The following THSD4 variants were observed in gnomAD, a reference collection of about 807,000 sequenced individuals.
THSD4 encodes the protein thrombospondin type 1 domain containing 4.
THSD4 carries 69 observed loss-of-function variants against 119.0 expected under a neutral mutation model. The observed-to-expected ratio is 0.58, with a 90% CI of 0.48 to 0.71. The LOEUF is 0.71. Ranked by LOEUF, THSD4 falls within the 30% of genes least tolerant of loss-of-function variation. The pLI is 0.00. For missense variants in THSD4, 1,393 were observed against 1,391.1 expected (o/e 1.00, Z -0.02); for synonymous variants, 524 against 540.4 (o/e 0.97, Z 0.42).
intron 4 of THSD4, among the ~76,000 whole-genome samples, chr15:71,235,893 A>G (rs2044101242): frequency 6.6e-6 from 1 of 152,172 alleles, no homozygotes; most frequent in South Asian, 2.1e-4. Context: ...GCTGGCTGGA[A>G]TGCCACCGCT....
At chr15:71,340,547 A>G (rs755917136) in intron 6 of THSD4, among the ~76,000 whole-genome samples, 22 of 147,724 alleles carry the variant, frequency 1.5e-4, no homozygotes, top group Non-Finnish European at 3.0e-4. Flanking sequence ...ACTGCCTTCC[A>G]CTTCCTAGGC....
chr15:71,561,061 G>A (rs1181772865), intron 7 of THSD4, among the ~76,000 whole-genome samples: 5 of 145,516 alleles, frequency 3.4e-5, no homozygotes, highest in East Asian at 2.1e-4. Flanking sequence ...TGCAAGCTCC[G>A]CCTCCCGGGT....
chr15:71,593,162 C>T lies in THSD4; in HGVS notation c.1153-67368C>T, dbSNP rs1483551444. Among the ~76,000 whole-genome samples, 6 of 41,536 alleles carry T rather than the reference C, an allele frequency of 1.4e-4. 3 individuals carry two copies. The East Asian group carries it at 0.011, about 74-fold the overall frequency. 27.2% of individuals were successfully genotyped at this position (41,536 alleles called of 152,430 possible). ...CCTGTAGGCCGGGCGCGGTGGCTCACGCCTGTAATCCCAGCACTTTGGGAG... is the reference window on the plus strand; with the variant it reads ...CCTGTAGGCCGGGCGCGGTGGCTCATGCCTGTAATCCCAGCACTTTGGGAG... On this transcript the variant is annotated intron_variant, in intron 7 of 17. Coordinates refer to ENST00000261862, the MANE Select transcript of THSD4 (RefSeq NM_024817.3).
chr15:71,144,994 G>C lies in THSD4; in HGVS notation c.29+3438G>C, dbSNP rs374219625. 1.5e-4 allele frequency among the ~76,000 whole-genome samples: 23 copies of C among 151,902 alleles called. No individual in the cohort carries two copies. The East Asian group carries it at 4.4e-3, about 29-fold the overall frequency. On this transcript the variant is annotated intron_variant, in intron 2 of 17. Transcript: ENST00000261862. ...AATTATTTATGTTTCTTAAAGACTTGCTCCAAATTATGCACTTTTTTTTTT... is the reference window on the plus strand; with the variant it reads ...AATTATTTATGTTTCTTAAAGACTTCCTCCAAATTATGCACTTTTTTTTTT...
chr15:71,627,910 A>G (rs1274792621), intron 7 of THSD4, among the ~76,000 whole-genome samples: 1 of 152,226 alleles, frequency 6.6e-6, no homozygotes, highest in Non-Finnish European at 1.5e-5. Context: ...CTATGTTTTC[A>G]GGAAGACAAA....
At chr15:71,674,876 C>T (rs2051607845) in intron 8 of THSD4, among the ~76,000 whole-genome samples, 1 of 152,186 alleles carries the variant, frequency 6.6e-6, no homozygotes, top group Admixed American at 6.5e-5. Context: ...AGCTCTAAAC[C>T]TCAGTGGTGC....
At chr15:71,190,345 G>C (rs1383339376) in intron 3 of THSD4, among the ~76,000 whole-genome samples, 1 of 152,184 alleles carries the variant, frequency 6.6e-6, no homozygotes, top group Non-Finnish European at 1.5e-5. Flanking sequence ...TCTTGACATT[G>C]GCTGCACATT....
intron 12 of THSD4, 122 bp from the exon 13 acceptor site, chr15:71,746,716 C>T (rs1427247895): frequency 1.8e-6 from 2 of 1,088,510 alleles, no homozygotes; most frequent in Non-Finnish European, 2.7e-6. Flanking sequence ...TCAAGCAATG[C>T]TCTAGTAAGA....
chr15:71,320,665 T>A (rs1364823263), intron 6 of THSD4, among the ~76,000 whole-genome samples: 1 of 152,212 alleles, frequency 6.6e-6, no homozygotes, highest in Non-Finnish European at 1.5e-5. Flanking sequence ...ATACCTTTCC[T>A]CACAAAAGCT....
chr15:71,461,294 G>A (rs1176940515), intron 7 of THSD4, among the ~76,000 whole-genome samples: 1 of 152,156 alleles, frequency 6.6e-6, no homozygotes, highest in Admixed American at 6.5e-5. Context: ...TTCACAATAT[G>A]GCACTGACTT....
At chr15:71,467,845 G>GTTTT (rs34603517) in intron 7 of THSD4, among the ~76,000 whole-genome samples, 24 of 143,654 alleles carry the variant, frequency 1.7e-4, no homozygotes, top group East Asian at 4.1e-4. Context: ...AGATATGATG[G>GTTTT]TTTTTTTTTT....
At chr15:71,449,111 G>A (rs2047229361) in intron 7 of THSD4, among the ~76,000 whole-genome samples, 1 of 152,188 alleles carries the variant, frequency 6.6e-6, no homozygotes, top group South Asian at 2.1e-4. Flanking sequence ...AGAGGGTCAA[G>A]GGAAACCTAT....
chr15:71,675,257 G>C (rs2051618239), intron 8 of THSD4, among the ~76,000 whole-genome samples: 1 of 152,078 alleles, frequency 6.6e-6, no homozygotes, highest in Non-Finnish European at 1.5e-5. Context: ...CATGGCAGAA[G>C]AATAAAGGAC....
chr15:71,538,936 C>G (rs576264778), intron 7 of THSD4, among the ~76,000 whole-genome samples: 1 of 152,330 alleles, frequency 6.6e-6, no homozygotes, highest in East Asian at 1.9e-4. Context: ...TCCCTGAGCC[C>G]AGTTGAGCCA....
At chr15:71,580,656 C>G (rs987360965) in intron 7 of THSD4, among the ~76,000 whole-genome samples, 11 of 152,152 alleles carry the variant, frequency 7.2e-5, no homozygotes, top group Non-Finnish European at 1.6e-4. Flanking sequence ...AGTTCCACCA[C>G]CAAGGCCCTG....
At chr15:71,272,134 G>A (rs2044537719) in intron 6 of THSD4, among the ~76,000 whole-genome samples, 1 of 152,076 alleles carries the variant, frequency 6.6e-6, no homozygotes, top group Admixed American at 6.6e-5. Context: ...TGGGTGTGGT[G>A]GCTCACACCT....
chr15:71,123,947 C>G (rs778474641), intron 1 of THSD4, among the ~76,000 whole-genome samples: 5 of 152,212 alleles, frequency 3.3e-5, no homozygotes, highest in African/African-American at 4.8e-5. Flanking sequence ...GTCGCACTCT[C>G]TCTCACATTG....
intron 15 of THSD4, among the ~76,000 whole-genome samples, chr15:71,761,301 G>A (rs1406662275): frequency 1.3e-5 from 2 of 152,064 alleles, no homozygotes; most frequent in Non-Finnish European, 1.5e-5. Flanking sequence ...CTCCATTAGT[G>A]TCAAGTTATC....
chr15:71,688,119 A>G (rs1252924042), intron 8 of THSD4, among the ~76,000 whole-genome samples: 5 of 152,232 alleles, frequency 3.3e-5, no homozygotes, highest in African/African-American at 1.2e-4. Context: ...CCGTCTCTTC[A>G]TAATTCTCCA....
Sources: allele counts gnomAD v4.1 joint callset (sites outside exome capture counted in the v4.1 genomes callset), GRCh38; gene constraint gnomAD v4.1.1; transcripts MANE v1.5; gene names NCBI Gene and HGNC (gene_info 2026-07-23, HGNC 2026-07-21).